The following FBXO34 variants were observed in gnomAD, a reference collection of about 807,000 sequenced individuals.
The protein encoded by FBXO34 is F-box protein 34.
FBXO34 carries 12 observed loss-of-function variants against 24.5 expected under a neutral mutation model. The observed-to-expected ratio is 0.49, with a 90% CI of 0.31 to 0.79. FBXO34 has a LOEUF of 0.79. FBXO34 is among the 30% of genes least tolerant of loss of function. FBXO34 has a pLI of 0.04. For synonymous variants in FBXO34, 320 were observed against 311.9 expected (o/e 1.03, Z -0.27); for missense variants, 823 against 857.7 (o/e 0.96, Z 0.51).
At chr14:55,377,436 G>A in the FBXO34 span, among the ~76,000 whole-genome samples, 2 of 152,114 alleles carry the variant, frequency 1.3e-5, no homozygotes, top group Non-Finnish European at 2.9e-5. Context: ...CAGACACTAG[G>A]TAGGGCTAGA....
chr14:55,292,416 G>C (rs1480253126), intron 1 of FBXO34, among the ~76,000 whole-genome samples: 1 of 151,876 alleles, frequency 6.6e-6, no homozygotes, highest in African/African-American at 2.4e-5. Flanking sequence ...CTGGAGTGTG[G>C]TGGTGCCAAC....
chr14:55,304,902 T>C (rs1882487094), intron 1 of FBXO34, among the ~76,000 whole-genome samples: 1 of 152,222 alleles, frequency 6.6e-6, no homozygotes, highest in Non-Finnish European at 1.5e-5. Flanking sequence ...TAAAATATGT[T>C]TTTAACCTAT....
chr14:55,319,787 T>C (rs1467152050), intron 1 of FBXO34, among the ~76,000 whole-genome samples: 2 of 152,186 alleles, frequency 1.3e-5, no homozygotes, highest in Non-Finnish European at 1.5e-5. Context: ...GCCATTCTCC[T>C]GCCTCAGCCT....
At chr14:55,435,962 TATATC>T in the FBXO34 span, 7 of 1,370,484 alleles carry the variant, frequency 5.1e-6, no homozygotes, top group Middle Eastern at 1.8e-4. Context: ...TTTAGAAACT[TATATC>T]AGATATAAAG....
At chr14:55,426,770 G>A in the FBXO34 span, among the ~76,000 whole-genome samples, 2 of 152,126 alleles carry the variant, frequency 1.3e-5, no homozygotes, top group African/African-American at 2.4e-5. Context: ...ACTGTCCCAG[G>A]AGGAAGATAG....
chr14:55,418,056 T>C, the FBXO34 span, among the ~76,000 whole-genome samples: 2 of 152,218 alleles, frequency 1.3e-5, no homozygotes, highest in Non-Finnish European at 2.9e-5. Flanking sequence ...TTTTATAAAA[T>C]CTAAGCCATT....
downstream of FBXO34, among the ~76,000 whole-genome samples, chr14:55,364,511 G>A (rs186356749): frequency 7.7e-4 from 117 of 152,046 alleles, no homozygotes; most frequent in African/African-American, 2.1e-3. Flanking sequence ...TGCAACCTCT[G>A]CCTCCTAGTT....
chr14:55,411,780 G>A, the FBXO34 span: 5 of 1,604,510 alleles, frequency 3.1e-6, no homozygotes, highest in East Asian at 4.5e-5. Context: ...CCGCAGCCAG[G>A]AGCCTCCAGC....
At chr14:55,432,445 A>AAAAAAAAACAC in the FBXO34 span, among the ~76,000 whole-genome samples, 9 of 150,244 alleles carry the variant, frequency 6.0e-5, no homozygotes, top group African/African-American at 2.0e-4. Context: ...AACAAACAAC[A>AAAAAAAAACAC]AAAAAAACAC....
downstream of FBXO34, among the ~76,000 whole-genome samples, chr14:55,372,578 C>T (rs539054890): frequency 6.6e-6 from 1 of 151,792 alleles, no homozygotes; most frequent in South Asian, 2.1e-4. Flanking sequence ...TTCTTTCCAT[C>T]CTTTCTTCCT....
chr14:55,404,274 A>G, the FBXO34 span, among the ~76,000 whole-genome samples: 40 of 152,176 alleles, frequency 2.6e-4, no homozygotes, highest in African/African-American at 8.7e-4. Flanking sequence ...CAATTTTACT[A>G]AAAAGACACT....
intron 1 of FBXO34, among the ~76,000 whole-genome samples, chr14:55,335,913 T>C (rs1044906747): frequency 1.3e-5 from 2 of 152,198 alleles, no homozygotes; most frequent in African/African-American, 4.8e-5. Flanking sequence ...ATTTTAAAAT[T>C]AGTACTGTCA....
chr14:55,420,978 G>A, the FBXO34 span, among the ~76,000 whole-genome samples: 4 of 150,458 alleles, frequency 2.7e-5, no homozygotes, highest in South Asian at 2.1e-4. Context: ...GGAGAATGGC[G>A]TGAACCCGGG....
At chr14:55,382,249 A>G in the FBXO34 span, 7 of 1,490,746 alleles carry the variant, frequency 4.7e-6, no homozygotes, top group East Asian at 1.4e-4. Flanking sequence ...AGGGCATGCA[A>G]TATAACTGCA....
chr14:55,275,323 T>C (rs184351166), intron 1 of FBXO34, among the ~76,000 whole-genome samples: 23 of 152,338 alleles, frequency 1.5e-4, no homozygotes, highest in African/African-American at 5.5e-4. Flanking sequence ...AAGTGCTATG[T>C]AAGTGTGGTT....
downstream of FBXO34, chr14:55,366,285 T>A (rs1254820564): frequency 1.3e-5 from 2 of 152,542 alleles, no homozygotes; most frequent in Non-Finnish European, 2.9e-5. Context: ...TCTACAAACT[T>A]CTTCTATAAT....
At chr14:55,275,638 C>T (rs1317906658) in intron 1 of FBXO34, among the ~76,000 whole-genome samples, 1 of 150,158 alleles carries the variant, frequency 6.7e-6, no homozygotes, top group Non-Finnish European at 1.5e-5. Context: ...CACAGTGGAA[C>T]CCCATCTCTA....
intron 1 of FBXO34, among the ~76,000 whole-genome samples, chr14:55,328,113 T>G (rs1360535195): frequency 1.3e-5 from 2 of 151,564 alleles, no homozygotes; most frequent in Non-Finnish European, 2.9e-5. Flanking sequence ...TGTCCCACCA[T>G]GATCGGCTAA....
At chr14:55,321,831 G>A (rs1318595983) in intron 1 of FBXO34, among the ~76,000 whole-genome samples, 3 of 152,136 alleles carry the variant, frequency 2.0e-5, no homozygotes, top group Non-Finnish European at 4.4e-5. Context: ...CTGCCGCAGG[G>A]ATCTGTCAAA....
Sources: gnomAD v4.1 joint callset for allele counts (sites outside exome capture counted in the v4.1 genomes callset) on GRCh38, gnomAD v4.1.1 for gene constraint, MANE v1.5 for transcripts, NCBI Gene and HGNC (gene_info 2026-07-23, HGNC 2026-07-21) for gene names.